The following ITGA11 variants were observed in gnomAD, a reference collection of about 807,000 sequenced individuals.
The protein encoded by ITGA11 is integrin subunit alpha 11, also known as integrin alpha-11.
ITGA11 carries 97 observed loss-of-function variants against 141.9 expected under a neutral mutation model. That is an observed-to-expected ratio of 0.68 (90% CI 0.58 to 0.81). ITGA11 has a LOEUF of 0.81. Among genes scored for constraint, ITGA11 ranks in the 30% least tolerant of loss-of-function variants. ITGA11 has a pLI of 0.00. For synonymous variants in ITGA11, 658 were observed against 624.6 expected (o/e 1.05, Z -0.80); for missense variants, 1,387 against 1,559.2 (o/e 0.89, Z 1.86).
At chr15:68,314,008 G>A in intron 22 of ITGA11, 140 bp from the exon 23 acceptor site, 1 of 654,652 alleles carries the variant, frequency 1.5e-6, no homozygotes, top group Non-Finnish European at 2.7e-6. Flanking sequence ...CAGGGAACCT[G>A]AGGCATCTCC....
intron 10 of ITGA11, among the ~76,000 whole-genome samples, chr15:68,341,176 T>C (rs1181683767): frequency 6.6e-6 from 1 of 152,204 alleles, no homozygotes; most frequent in Admixed American, 6.5e-5. Flanking sequence ...GGAGAGTCAA[T>C]GTGCTTGGTT....
rs1893234679 is a variant in ITGA11 at position 68,307,420 on chromosome 15, G to A, written c.3309C>T (p.Ile1103=). The A allele has an allele frequency of 6.4e-7, 1 of 1,557,084 alleles. No homozygotes were observed. The highest frequency in any genetic ancestry group is 1.4e-5 in the African/African-American group (1 of 73,346). The change falls in exon 28 of 30, where the codon ATC becomes ATT. Residue 1103 remains isoleucine (I), a synonymous_variant. Coordinates refer to ENST00000315757, the MANE Select transcript of ITGA11 (RefSeq NM_001004439.2). This position sits in a 1 kb window ranked among gnomAD's most constrained non-coding sequence, Gnocchi z 6.1. Reference sequence around the variant, plus strand: ...GCCTCTGCAAGGCTGCGTTGACCATGATTTTCATGGATTTGTACTTGAGCT... The same window carrying A: ...GCCTCTGCAAGGCTGCGTTGACCATAATTTTCATGGATTTGTACTTGAGCT... ...LKALKYKSMK[I]MVNAALQRQF... is the part of the protein sequence containing the mutation.
At chr15:68,428,397 C>A (rs1054552574) in intron 1 of ITGA11, among the ~76,000 whole-genome samples, 5 of 152,110 alleles carry the variant, frequency 3.3e-5, no homozygotes, top group Admixed American at 2.6e-4. Context: ...TCTTCCAGGG[C>A]TCACAGCCCT....
At chr15:68,423,514 C>T (rs976029998) in intron 1 of ITGA11, among the ~76,000 whole-genome samples, 3 of 152,146 alleles carry the variant, frequency 2.0e-5, no homozygotes, top group Admixed American at 6.5e-5. Context: ...GGTGCCCAAA[C>T]GTATGGCTCT....
intron 1 of ITGA11, among the ~76,000 whole-genome samples, chr15:68,404,335 G>A (rs1896588068): frequency 6.6e-6 from 1 of 152,148 alleles, no homozygotes; most frequent in Non-Finnish European, 1.5e-5. Flanking sequence ...GGCAGCTGAA[G>A]CGAGCACAGA....
At chr15:68,361,258 G>T (rs1437305512) in intron 5 of ITGA11, among the ~76,000 whole-genome samples, 3 of 152,168 alleles carry the variant, frequency 2.0e-5, no homozygotes, top group Non-Finnish European at 2.9e-5. Context: ...CCAGAATTGT[G>T]CAGTGCACAG....
At chr15:68,405,448 C>T (rs1225137587) in intron 1 of ITGA11, among the ~76,000 whole-genome samples, 3 of 151,966 alleles carry the variant, frequency 2.0e-5, no homozygotes, top group East Asian at 1.9e-4. Context: ...ATGTAGCTGC[C>T]CACTCTATCG....
chr15:68,400,106 A>G (rs1014662262), intron 2 of ITGA11, among the ~76,000 whole-genome samples: 1 of 152,176 alleles, frequency 6.6e-6, no homozygotes, highest in East Asian at 1.9e-4. Context: ...GTCAAGAAAT[A>G]GGCCCATATA....
intron 9 of ITGA11, among the ~76,000 whole-genome samples, chr15:68,350,248 G>A (rs1894862120): frequency 6.6e-6 from 1 of 152,136 alleles, no homozygotes; most frequent in African/African-American, 2.4e-5. Flanking sequence ...GCAGTGGCAT[G>A]ATATCAGCTC....
At position 68,392,695 on chromosome 15, in the gene ITGA11, G is replaced by T. The variant is rs189600405; in HGVS notation, c.164+10223C>A. On this transcript the variant is annotated intron_variant, in intron 2 of 29. Transcript: ENST00000315757. ...TTGCCTCCTATTCTGGGAGGAAGGT[G>T]TTGGGGTTCATACCCAGTCAGAAAG... Among the ~76,000 whole-genome samples the T allele has an allele frequency of 5.9e-3, 906 of 152,288 alleles. 8 individuals are homozygous for T. The highest frequency in any genetic ancestry group is 8.5e-3 in the Non-Finnish European group (575 of 68,020).
intron 1 of ITGA11, among the ~76,000 whole-genome samples, chr15:68,406,641 A>G (rs571171746): frequency 2.0e-5 from 3 of 152,250 alleles, no homozygotes; most frequent in African/African-American, 7.2e-5. Context: ...TATTTAGAAT[A>G]TTCCTATAGT....
chr15:68,347,655 G>A (rs923967799), intron 10 of ITGA11, among the ~76,000 whole-genome samples: 1 of 152,152 alleles, frequency 6.6e-6, no homozygotes, highest in Non-Finnish European at 1.5e-5. Context: ...CTCTCACGGA[G>A]CAGCTGCTTG....
intron 1 of ITGA11, among the ~76,000 whole-genome samples, chr15:68,410,376 T>C (rs924273245): frequency 2.0e-5 from 3 of 151,982 alleles, no homozygotes; most frequent in Non-Finnish European, 4.4e-5. Context: ...TCACTAAGAA[T>C]CTCTGGTATT....
At chr15:68,413,252 T>C (rs1396927378) in intron 1 of ITGA11, among the ~76,000 whole-genome samples, 1 of 152,170 alleles carries the variant, frequency 6.6e-6, no homozygotes, top group Admixed American at 6.5e-5. Context: ...TTGCTATAAG[T>C]GAGAAGACTA....
At position 68,303,396 on chromosome 15, in the gene ITGA11, C is replaced by T. The variant is rs557332517; in HGVS notation, c.3496-266G>A. 6.6e-6 allele frequency among the ~76,000 whole-genome samples: 1 copy of T among 152,332 alleles called. No individual in the cohort carries two copies. The highest frequency in any genetic ancestry group is 2.1e-4 in the South Asian group (1 of 4,820). ...CCAACATCCCTCTCTGGGCCTCCTT[C>T]ATCTGTAACAGGAGGAGGCTGAGAC... On this transcript the variant is annotated intron_variant, in intron 29 of 29. Coordinates refer to ENST00000315757, the MANE Select transcript of ITGA11 (RefSeq NM_001004439.2). The surrounding 1 kb of genome is among the most constrained non-coding windows in gnomAD (Gnocchi z 5.3).
intron 4 of ITGA11, 125 bp from the exon 5 acceptor site, chr15:68,361,829 G>A (rs1895252744): frequency 1.1e-5 from 7 of 646,648 alleles, no homozygotes; most frequent in Middle Eastern, 8.3e-4. Context: ...GGGTGAGGGG[G>A]TGAGGGATCT....
rs1172039777 is a variant in ITGA11, at chr15:68,333,707, C to A, written c.1426-1229G>T. Among the ~76,000 whole-genome samples, 2 of 152,238 alleles carry A rather than the reference C, an allele frequency of 1.3e-5. No homozygotes were observed. Among genetic ancestry groups the A allele is most frequent in the South Asian group, 4.1e-4 (2 of 4,832 alleles). ...CAGCCTCAGGCTGGCCCCTTCAGCC[C>A]ACCCCCATGGCAGCTGGCGTGGCCT... On this transcript the variant is annotated intron_variant, in intron 12 of 29. Transcript: ENST00000315757. The surrounding 1 kb of genome is among the most constrained non-coding windows in gnomAD (Gnocchi z 4.2).
intron 1 of ITGA11, among the ~76,000 whole-genome samples, 199 bp from the exon 2 acceptor site, chr15:68,403,228 G>A (rs1331252409): frequency 2.0e-5 from 3 of 152,140 alleles, no homozygotes; most frequent in Admixed American, 2.0e-4. Context: ...ACAGTCTGAT[G>A]GGAGAGATTC....
Position 68,332,033 on chromosome 15 carries a change from C to T in ITGA11, c.1596G>A (p.Lys532=), listed in dbSNP as rs1199110114. Reference sequence around the variant, plus strand: ...GGGCATTCTGGTAACTGTGTGAATCCTTTAGCGTTCCGTTATAAACAAACA... The same window carrying T: ...GGGCATTCTGGTAACTGTGTGAATCTTTTAGCGTTCCGTTATAAACAAACA... ...QNLFVYNGTL[K]DSHSYQNARF... The change falls in exon 14 of 30, where the codon AAG becomes AAA. Residue 532 remains lysine, a synonymous_variant. Coordinates refer to ENST00000315757, the MANE Select transcript of ITGA11 (RefSeq NM_001004439.2). 3 of 1,608,408 alleles carry T rather than the reference C, an allele frequency of 1.9e-6. No homozygotes were observed. Among genetic ancestry groups the T allele is most frequent in the African/African-American group, 1.3e-5 (1 of 74,840 alleles).
Sources: allele counts gnomAD v4.1 joint callset (sites outside exome capture counted in the v4.1 genomes callset), GRCh38; gene constraint gnomAD v4.1.1; non-coding constraint Gnocchi (gnomAD v3.1); transcripts MANE v1.5; gene names NCBI Gene and HGNC (gene_info 2026-07-23, HGNC 2026-07-21).